Variants in RPSA2 observed in about 807,000 individuals in gnomAD.
RPSA2 encodes the protein small ribosomal subunit protein uS2B.
At chr19:23,849,561 C>T in the RPSA2 span, among the ~76,000 whole-genome samples, 1 of 152,120 alleles carries the variant, frequency 6.6e-6, no homozygotes, top group African/African-American at 2.4e-5. Flanking sequence ...GTTCTGGGCA[C>T]AGAATGGGGA....
chr19:23,863,018 G>C, the RPSA2 span, among the ~76,000 whole-genome samples: 2 of 151,680 alleles, frequency 1.3e-5, no homozygotes, highest in African/African-American at 4.8e-5. Context: ...AAGATAATGT[G>C]TAAAAAATAA....
At chr19:23,801,647 C>G in the RPSA2 span, among the ~76,000 whole-genome samples, 1 of 152,126 alleles carries the variant, frequency 6.6e-6, no homozygotes, top group Non-Finnish European at 1.5e-5. Flanking sequence ...TCACTATTGC[C>G]AAAAGTAGGT....
chr19:23,810,280 G>C, the RPSA2 span, among the ~76,000 whole-genome samples: 1 of 151,894 alleles, frequency 6.6e-6, no homozygotes, highest in African/African-American at 2.4e-5. Context: ...TGTAGTCCCA[G>C]CTACTCGGGA....
chr19:23,844,572 C>A, the RPSA2 span, among the ~76,000 whole-genome samples: 1 of 152,064 alleles, frequency 6.6e-6, no homozygotes, highest in Non-Finnish European at 1.5e-5. Flanking sequence ...TTTGTAAATT[C>A]CAAATATAAG....
chr19:23,851,118 A>G, the RPSA2 span, among the ~76,000 whole-genome samples: 148,947 of 152,274 alleles, frequency 0.98, 72,939 homozygotes, highest in Middle Eastern at 1. Context: ...AAGTAGCCCA[A>G]ATAAAGCCTG....
the RPSA2 span, among the ~76,000 whole-genome samples, chr19:23,840,811 A>AT: frequency 8.0e-5 from 12 of 150,652 alleles, no homozygotes; most frequent in Non-Finnish European, 1.6e-4. Context: ...ACAAAAAAAA[A>AT]ATTAGCCGGA....
the RPSA2 span, among the ~76,000 whole-genome samples, chr19:23,859,205 T>C: frequency 5.3e-5 from 8 of 152,198 alleles, no homozygotes; most frequent in Non-Finnish European, 1.2e-4. Flanking sequence ...TAAAGGCCAC[T>C]GATGCAAAGT....
At chr19:23,819,310 T>TTGTAGTCTC in the RPSA2 span, 1 of 152,406 alleles carries the variant, frequency 6.6e-6, no homozygotes, top group Non-Finnish European at 1.5e-5. Context: ...AGCAGGGCTG[T>TTGTAGTCTC]TGTAGTCTTC....
At chr19:23,863,118 G>A in the RPSA2 span, among the ~76,000 whole-genome samples, 2 of 152,076 alleles carry the variant, frequency 1.3e-5, no homozygotes, top group East Asian at 3.9e-4. Flanking sequence ...TGGCTTAACA[G>A]GTCTAGCGCA....
chr19:23,851,395 C>T, the RPSA2 span, among the ~76,000 whole-genome samples: 3 of 152,038 alleles, frequency 2.0e-5, no homozygotes, highest in Non-Finnish European at 4.4e-5. Context: ...GCAAAAGAGA[C>T]CAAAAGTCTA....
chr19:23,844,715 T>C, the RPSA2 span, among the ~76,000 whole-genome samples: 2 of 151,588 alleles, frequency 1.3e-5, no homozygotes, highest in Non-Finnish European at 1.5e-5. Context: ...AATATAATAA[T>C]AATATAATAA....
the RPSA2 span, among the ~76,000 whole-genome samples, chr19:23,761,926 T>TCTCTCTCTCTCTC: frequency 8.0e-6 from 1 of 124,780 alleles, no homozygotes; most frequent in African/African-American, 3.3e-5. Flanking sequence ...CTTTCTTTTT[T>TCTCTCTCTCTCTC]TTTTTTTTTG....
the RPSA2 span, among the ~76,000 whole-genome samples, chr19:23,786,016 C>T: frequency 6.6e-6 from 1 of 152,170 alleles, no homozygotes; most frequent in Non-Finnish European, 1.5e-5. Flanking sequence ...CACCATAATA[C>T]AATCCACAGT....
chr19:23,807,001 T>C, the RPSA2 span, among the ~76,000 whole-genome samples: 2 of 152,106 alleles, frequency 1.3e-5, no homozygotes, highest in Non-Finnish European at 2.9e-5. Context: ...TCCTTCTGGG[T>C]GCATCAGCAC....
the RPSA2 span, among the ~76,000 whole-genome samples, chr19:23,869,363 T>G: frequency 0.98 from 148,922 of 152,256 alleles, 72,924 homozygotes; most frequent in Middle Eastern, 1. Flanking sequence ...TACTTAATAG[T>G]TCTTGGTTCT....
chr19:23,770,977 AC>A, the RPSA2 span, among the ~76,000 whole-genome samples: 2 of 152,152 alleles, frequency 1.3e-5, no homozygotes, highest in African/African-American at 4.8e-5. Flanking sequence ...CCTCTAAACA[AC>A]CAGTAGCAGA....
the RPSA2 span, among the ~76,000 whole-genome samples, chr19:23,816,863 T>C: frequency 0.98 from 148,927 of 152,246 alleles, 72,931 homozygotes; most frequent in Middle Eastern, 1. Context: ...ATCATGAGAC[T>C]AGTACAGAAG....
chr19:23,825,239 A>T, the RPSA2 span, among the ~76,000 whole-genome samples: 1 of 152,138 alleles, frequency 6.6e-6, no homozygotes. Flanking sequence ...TGGCCTCCCA[A>T]GGTATCTAAT....
chr19:23,761,611 AT>A, the RPSA2 span, among the ~76,000 whole-genome samples: 1 of 152,130 alleles, frequency 6.6e-6, no homozygotes, highest in African/African-American at 2.4e-5. Flanking sequence ...TTATTAAGAA[AT>A]TCCTATATAT....
Sources: allele counts gnomAD v4.1 joint callset (sites outside exome capture counted in the v4.1 genomes callset), GRCh38; gene constraint gnomAD v4.1.1; transcripts MANE v1.5; gene names NCBI Gene and HGNC (gene_info 2026-07-23, HGNC 2026-07-21).